The following CNOT6L variants were observed in gnomAD, a reference collection of about 807,000 sequenced individuals.
CNOT6L encodes CCR4-NOT transcription complex subunit 6 like.
A neutral mutation model predicts 64.0 loss-of-function variants in CNOT6L; 7 were observed. That is an observed-to-expected ratio of 0.11 (90% CI 0.06 to 0.21). The LOEUF (loss-of-function observed/expected upper bound fraction) is 0.21, where lower values mean the gene tolerates loss of function less well. Ranked by LOEUF, CNOT6L falls within the 10% of genes least tolerant of loss-of-function variation. The pLI is 1.00. For missense variants in CNOT6L, 245 were observed against 669.0 expected, an observed-to-expected ratio of 0.37 and a Z score of 6.99; for synonymous variants, 193 against 243.4, an observed-to-expected ratio of 0.79 and a Z score of 1.93.
At chr4:77,789,691 C>T (rs572484730) in intron 1 of CNOT6L, among the ~76,000 whole-genome samples, 2 of 151,068 alleles carry the variant, frequency 1.3e-5, no homozygotes, top group Non-Finnish European at 2.9e-5. Flanking sequence ...TGGATTATGC[C>T]TGTAATCCCA....
At chr4:77,778,156 T>C (rs1274468193) in intron 1 of CNOT6L, among the ~76,000 whole-genome samples, 1 of 152,226 alleles carries the variant, frequency 6.6e-6, no homozygotes, top group Non-Finnish European at 1.5e-5. Flanking sequence ...AGCCTATATA[T>C]AATACTTCTG....
chr4:77,797,102 C>CTAAAA (rs1730934797), intron 1 of CNOT6L, among the ~76,000 whole-genome samples: 1 of 52,988 alleles, frequency 1.9e-5, no homozygotes, highest in Non-Finnish European at 3.1e-5. Flanking sequence ...GACCTTGTCT[C>CTAAAA]AAAAAAAAAA....
intron 1 of CNOT6L, among the ~76,000 whole-genome samples, chr4:77,778,648 G>C (rs1284593743): frequency 6.6e-6 from 1 of 151,916 alleles, no homozygotes; most frequent in Non-Finnish European, 1.5e-5. Flanking sequence ...CTTGTGATCC[G>C]CCCGCCTTGG....
intron 8 of CNOT6L, among the ~76,000 whole-genome samples, chr4:77,733,678 C>A (rs764069736): frequency 2.6e-5 from 4 of 151,954 alleles, no homozygotes; most frequent in Non-Finnish European, 5.9e-5. Context: ...GGCGTAGGGG[C>A]AGGGGAGCAT....
chr4:77,799,353 A>G (rs1003411217), intron 1 of CNOT6L, among the ~76,000 whole-genome samples: 2 of 152,198 alleles, frequency 1.3e-5, no homozygotes, highest in Non-Finnish European at 2.9e-5. Context: ...TTGAGGCTGC[A>G]GTGAACCACG....
chr4:77,725,278 A>G (rs896833412), intron 11 of CNOT6L, among the ~76,000 whole-genome samples: 1 of 152,240 alleles, frequency 6.6e-6, no homozygotes, highest in Non-Finnish European at 1.5e-5. Context: ...TATTGGAAAT[A>G]TAAGGGAGGC....
At chr4:77,729,969 T>TA (rs1722262516) in intron 9 of CNOT6L, among the ~76,000 whole-genome samples, 1 of 152,138 alleles carries the variant, frequency 6.6e-6, no homozygotes, top group South Asian at 2.1e-4. Context: ...CAACAAGAGC[T>TA]ATAATCTAGA....
chr4:77,809,171 G>T, intron 1 of CNOT6L, among the ~76,000 whole-genome samples: 1 of 152,088 alleles, frequency 6.6e-6, no homozygotes, highest in African/African-American at 2.4e-5. Context: ...CTGGAAAGTG[G>T]AGGACCCAAG....
intron 8 of CNOT6L, among the ~76,000 whole-genome samples, chr4:77,732,434 A>C (rs1722548993): frequency 6.6e-6 from 1 of 152,094 alleles, no homozygotes; most frequent in African/African-American, 2.4e-5. Context: ...CAGTGGAGAG[A>C]AGACATAGTC....
At chr4:77,791,407 G>A (rs528146347) in intron 1 of CNOT6L, among the ~76,000 whole-genome samples, 11 of 151,944 alleles carry the variant, frequency 7.2e-5, no homozygotes, top group African/African-American at 2.7e-4. Context: ...AGTAACAAAT[G>A]TGTACGGTTA....
intron 5 of CNOT6L, among the ~76,000 whole-genome samples, chr4:77,750,496 C>T (rs1046700196): frequency 1.2e-4 from 19 of 152,096 alleles, no homozygotes; most frequent in Admixed American, 9.8e-4. Flanking sequence ...GGACTACTGG[C>T]GCCCACCACC....
chr4:77,735,861 A>G (rs1370876855), intron 8 of CNOT6L, among the ~76,000 whole-genome samples: 1 of 152,182 alleles, frequency 6.6e-6, no homozygotes, highest in African/African-American at 2.4e-5. Context: ...TAAGTTTCTT[A>G]GTAATGATCA....
At chr4:77,814,111 A>G (rs1311507077) in intron 1 of CNOT6L, among the ~76,000 whole-genome samples, 1 of 152,196 alleles carries the variant, frequency 6.6e-6, no homozygotes, top group Non-Finnish European at 1.5e-5. Flanking sequence ...GGTAAGTGAA[A>G]TATGCTTATC....
chr4:77,782,737 C>A (rs1729007114), intron 1 of CNOT6L, among the ~76,000 whole-genome samples: 1 of 151,584 alleles, frequency 6.6e-6, no homozygotes, highest in Non-Finnish European at 1.5e-5. Flanking sequence ...GCCTCAGCCT[C>A]CCAAGTAGCT....
At chr4:77,819,452 A>G, upstream of CNOT6L, 5 of 1,441,268 alleles carry the variant, frequency 3.5e-6, no homozygotes, top group Non-Finnish European at 4.7e-6. Context: ...CGCAAACACA[A>G]ACACCCACGG....
intron 8 of CNOT6L, among the ~76,000 whole-genome samples, chr4:77,735,662 G>A (rs1373992058): frequency 6.6e-6 from 1 of 152,154 alleles, no homozygotes; most frequent in African/African-American, 2.4e-5. Context: ...CTACTTTGAG[G>A]AAAATTCTTC....
At chr4:77,738,888 A>C (rs2109927982) in intron 8 of CNOT6L, among the ~76,000 whole-genome samples, 1 of 152,318 alleles carries the variant, frequency 6.6e-6, no homozygotes, top group African/African-American at 2.4e-5. Flanking sequence ...TAAAAGACAA[A>C]GCAAAAGCTG....
In CNOT6L at chr4:77,807,276, C is replaced by CAAAAAAAAAAA. The variant is rs58452605; in HGVS notation, c.5+12017_5+12027dup. Among the ~76,000 whole-genome samples the CAAAAAAAAAAA allele has an allele frequency of 1.1e-3, 120 of 108,164 alleles. 3 individuals are homozygous for CAAAAAAAAAAA. The highest frequency in any genetic ancestry group is 5.0e-3 in the African/African-American group (112 of 22,424). 71.0% of individuals were successfully genotyped at this position (108,164 alleles called of 152,430 possible). A position where few individuals can be genotyped will look rare whatever the true frequency, so the allele number is the denominator to read the frequency against. ...ATGGCGACAGAGTGAGACTCCATCT[C>CAAAAAAAAAAA]AAAAAAAAAAAAAAAAATCCTACAA... On this transcript the variant is annotated intron_variant, in intron 1 of 11. Transcript: ENST00000504123.
intron 4 of CNOT6L, among the ~76,000 whole-genome samples, chr4:77,762,789 AGAG>A (rs992974938): frequency 3.9e-5 from 6 of 152,144 alleles, no homozygotes; most frequent in Non-Finnish European, 2.9e-5. Flanking sequence ...TCAAGGGCTG[AGAG>A]AAGAAGGTAT....
Sources: gnomAD v4.1 joint callset for allele counts (sites outside exome capture counted in the v4.1 genomes callset) on GRCh38, gnomAD v4.1.1 for gene constraint, MANE v1.5 for transcripts, NCBI Gene and HGNC (gene_info 2026-07-23, HGNC 2026-07-21) for gene names.